The following PCDH11X variants were observed in gnomAD, a reference collection of about 807,000 sequenced individuals.
PCDH11X encodes protocadherin-11 X-linked.
In PCDH11X, 18 loss-of-function variants were observed where a neutral mutation model predicts 53.3. The observed-to-expected ratio is 0.34, with a 90% CI of 0.23 to 0.50. The LOEUF (loss-of-function observed/expected upper bound fraction) is 0.50. Among genes scored for constraint, PCDH11X ranks in the 20% least tolerant of loss-of-function variants. The pLI is 0.98. For synonymous variants in PCDH11X, 279 were observed against 393.3 expected, an observed-to-expected ratio of 0.71 and a Z score of 3.44; for missense variants, 570 against 1,032.4, an observed-to-expected ratio of 0.55 and a Z score of 6.14.
intron 6 of PCDH11X, among the ~76,000 whole-genome samples, chrX:92,194,824 T>G (rs2066266710): frequency 9.0e-6 from 1 of 110,903 alleles, no homozygotes; most frequent in Admixed American, 9.7e-5. Flanking sequence ...CATTAAGAGA[T>G]TTTGCACTGT....
At chrX:91,960,183 C>A (rs2061767270) in intron 6 of PCDH11X, among the ~76,000 whole-genome samples, 1 of 100,655 alleles carries the variant, frequency 9.9e-6, no homozygotes, top group Admixed American at 1.1e-4. Flanking sequence ...TAGATATTAA[C>A]CCCCTACGAG....
chrX:92,307,124 T>C (rs1337216911), intron 8 of PCDH11X, among the ~76,000 whole-genome samples: 1 of 110,972 alleles, frequency 9.0e-6, no homozygotes, highest in African/African-American at 3.3e-5. Context: ...GTAAGGTCAG[T>C]GTGATCCTGA....
intron 10 of PCDH11X, among the ~76,000 whole-genome samples, chrX:92,616,470 T>A (rs964229570): frequency 9.4e-6 from 1 of 106,832 alleles, no homozygotes; most frequent in Non-Finnish European, 1.9e-5. Context: ...ATCATTCTGT[T>A]GGCACTTGTT....
intron 6 of PCDH11X, among the ~76,000 whole-genome samples, chrX:92,147,651 G>C (rs1020046982): frequency 9.2e-6 from 1 of 108,716 alleles, no homozygotes; most frequent in Admixed American, 9.8e-5. Context: ...ACACACCTAT[G>C]TATTAAGAGG....
chrX:92,213,657 A>C (rs190492793), intron 7 of PCDH11X, among the ~76,000 whole-genome samples: 7 of 111,673 alleles, frequency 6.3e-5, no homozygotes, highest in Non-Finnish European at 1.3e-4. Flanking sequence ...TGTCATGTCC[A>C]TAGATAAAAG....
At chrX:91,909,911 C>A (rs1316706668) in intron 6 of PCDH11X, among the ~76,000 whole-genome samples, 3 of 111,338 alleles carry the variant, frequency 2.7e-5, no homozygotes, top group South Asian at 3.8e-4. Flanking sequence ...CTCATAGTTA[C>A]CTTTTTTGTG....
rs201826040 is a variant in PCDH11X, at chrX:92,266,743, CT to C, written c.3144+3614del. Among the ~76,000 whole-genome samples the C allele has an allele frequency of 5.8e-3, 571 of 98,021 alleles. 2 individuals carry two copies. The highest frequency in any genetic ancestry group is 0.015 in the Middle Eastern group (3 of 201). 85.1% of individuals were successfully genotyped at this position (98,021 alleles called of 115,157 possible). A position where few individuals can be genotyped will look rare whatever the true frequency, so the allele number is the denominator to read the frequency against. On this transcript the variant is annotated intron_variant, in intron 8 of 10. Coordinates refer to ENST00000682573, the MANE Select transcript of PCDH11X (RefSeq NM_032968.5). Reference sequence around the variant, plus strand: ...GAATAGTGTAAGCAGTACTTATTTTCTTTTTTTTTTTTTTATGTGGAGACAA... The same window carrying C: ...GAATAGTGTAAGCAGTACTTATTTTCTTTTTTTTTTTTTATGTGGAGACAA...
chrX:92,228,650 G>A (rs2067013075), intron 7 of PCDH11X, among the ~76,000 whole-genome samples: 1 of 103,008 alleles, frequency 9.7e-6, no homozygotes, highest in Non-Finnish European at 2.0e-5. Context: ...CATACCTGAT[G>A]CATAGGGCTT....
intron 10 of PCDH11X, among the ~76,000 whole-genome samples, chrX:92,600,294 G>T (rs1314904910): frequency 1.8e-5 from 2 of 110,529 alleles, no homozygotes; most frequent in African/African-American, 6.7e-5. Context: ...CCTCATGGCA[G>T]CACCTACAGT....
At chrX:92,353,793 T>A (rs1056880017) in intron 8 of PCDH11X, among the ~76,000 whole-genome samples, 4 of 111,005 alleles carry the variant, frequency 3.6e-5, no homozygotes, top group African/African-American at 1.3e-4. Flanking sequence ...ATCAATGTTA[T>A]TTATAGTGTA....
At position 92,316,859 on chromosome X, in the gene PCDH11X, T is replaced by C. The variant is rs781063389; in HGVS notation, c.3144+53716T>C. Among the ~76,000 whole-genome samples, 800 of 110,472 alleles carry C rather than the reference T, an allele frequency of 7.2e-3. 7 individuals carry two copies. Among genetic ancestry groups the C allele is most frequent in the African/African-American group, 0.025 (759 of 30,428 alleles). On this transcript the variant is annotated intron_variant, in intron 8 of 10. Coordinates refer to ENST00000682573, the MANE Select transcript of PCDH11X (RefSeq NM_032968.5). ...ACCAAGCAACTTCCTTTCTGAATTT[T>C]TAATCTCATAATGCCCCTGTAGTCA... is the stretch of plus-strand genomic sequence containing the variant.
At chrX:92,137,259 T>C (rs1179626968) in intron 6 of PCDH11X, among the ~76,000 whole-genome samples, 2 of 111,423 alleles carry the variant, frequency 1.8e-5, no homozygotes, top group Non-Finnish European at 3.8e-5. Flanking sequence ...AAAATAAACT[T>C]GGTTGATTTC....
chrX:92,369,528 G>T (rs1445932974), intron 8 of PCDH11X, among the ~76,000 whole-genome samples: 1 of 110,998 alleles, frequency 9.0e-6, no homozygotes, highest in African/African-American at 3.3e-5. Context: ...GAATGGTTCT[G>T]TCTTGCTGGG....
chrX:92,057,414 G>A (rs1192126057), intron 6 of PCDH11X, among the ~76,000 whole-genome samples: 1 of 105,626 alleles, frequency 9.5e-6, no homozygotes, highest in South Asian at 4.3e-4. Context: ...ACTGTAGTCC[G>A]TCTGACAGTC....
intron 6 of PCDH11X, among the ~76,000 whole-genome samples, chrX:91,903,380 T>A (rs1489158017): frequency 1.8e-5 from 2 of 111,307 alleles, no homozygotes; most frequent in Non-Finnish European, 3.8e-5. Flanking sequence ...TAAGTTTCAG[T>A]ATAAATACCC....
chrX:91,882,083 T>C (rs1212709550), intron 6 of PCDH11X, among the ~76,000 whole-genome samples: 1 of 109,885 alleles, frequency 9.1e-6, no homozygotes, highest in Non-Finnish European at 1.9e-5. Flanking sequence ...ATTCTATAGG[T>C]TGTTTTTCTG....
intron 7 of PCDH11X, among the ~76,000 whole-genome samples, chrX:92,243,810 G>A (rs1460491444): frequency 9.0e-6 from 1 of 111,216 alleles, no homozygotes; most frequent in Non-Finnish European, 1.9e-5. Flanking sequence ...CTATCTCTCT[G>A]TAGATGACTA....
intron 10 of PCDH11X, among the ~76,000 whole-genome samples, chrX:92,505,790 T>G (rs753658703): frequency 2.4e-3 from 263 of 109,506 alleles, no homozygotes; most frequent in African/African-American, 8.1e-3. Flanking sequence ...TAAATTGCTT[T>G]GGGCACTATG....
rs745499944 is a variant in PCDH11X, at chrX:92,210,534, C to T, written c.3114+9079C>T. Among the ~76,000 whole-genome samples, 8 of 111,022 alleles carry T rather than the reference C, an allele frequency of 7.2e-5. No homozygotes were observed. In the South Asian group the frequency reaches 1.1e-3, roughly 16 times the overall value. On this transcript the variant is annotated intron_variant, in intron 7 of 10. Coordinates refer to ENST00000682573, the MANE Select transcript of PCDH11X (RefSeq NM_032968.5). ...GATTACAGGCATGAGCAACTGTGCC[C>T]GGCCCCCGAAAATGGGCTTTTCTTT... is the stretch of plus-strand genomic sequence containing the variant.
Sources: allele counts gnomAD v4.1 joint callset (sites outside exome capture counted in the v4.1 genomes callset), GRCh38; gene constraint gnomAD v4.1.1; transcripts MANE v1.5; gene names NCBI Gene and HGNC (gene_info 2026-07-23, HGNC 2026-07-21).